Variants in HDAC9 observed in about 807,000 individuals in gnomAD.
The protein encoded by HDAC9 is histone deacetylase 9, also known as MEF-2 interacting transcription repressor (MITR) protein.
Under a neutral mutation model 139.4 loss-of-function variants are expected in HDAC9, and 41 were observed. The ratio of observed to expected loss-of-function variants is 0.29; its 90% CI spans 0.23 to 0.38. The LOEUF (loss-of-function observed/expected upper bound fraction) is 0.38, where lower values mean the gene tolerates loss of function less well. Among genes scored for constraint, HDAC9 ranks in the 10% least tolerant of loss-of-function variants. HDAC9 has a pLI of 1.00. For missense variants in HDAC9, 1,147 were observed against 1,297.0 expected, an observed-to-expected ratio of 0.88 and a Z score of 1.78; for synonymous variants, 517 against 476.2, an observed-to-expected ratio of 1.09 and a Z score of -1.12.
chr7:18,166,297 CTT>C, intron 2 of HDAC9, among the ~76,000 whole-genome samples: 1 of 152,286 alleles, frequency 6.6e-6, no homozygotes, highest in East Asian at 1.9e-4. Flanking sequence ...GCTCATCTCT[CTT>C]TTCACCATTG....
chr7:18,926,522 A>G (rs1804242965), intron 22 of HDAC9, among the ~76,000 whole-genome samples: 1 of 152,240 alleles, frequency 6.6e-6, no homozygotes, highest in South Asian at 2.1e-4. Flanking sequence ...AATAGAGTTT[A>G]TAATAACTCA....
chr7:18,250,979 C>A (rs556330436), intron 2 of HDAC9, among the ~76,000 whole-genome samples: 39 of 151,962 alleles, frequency 2.6e-4, no homozygotes, highest in Non-Finnish European at 4.6e-4. Flanking sequence ...GTAGAAATAC[C>A]ATTTGATTCA....
At chr7:18,287,321 G>T (rs772870829), upstream of HDAC9, among the ~76,000 whole-genome samples, 1 of 151,906 alleles carries the variant, frequency 6.6e-6, no homozygotes, top group Admixed American at 6.6e-5. Context: ...TTAACATGTT[G>T]GCAGATACTC....
At chr7:18,568,028 A>ATATG (rs1554505054) in intron 2 of HDAC9, among the ~76,000 whole-genome samples, 1 of 11,654 alleles carries the variant, frequency 8.6e-5, no homozygotes, top group Non-Finnish European at 2.6e-4. Context: ...ATGTATATGT[A>ATATG]TATATATATA....
rs369811382 is a variant in HDAC9 at position 18,776,101 on chromosome 7, T to G, written c.2214+8946T>G. On this transcript the variant is annotated intron_variant, in intron 16 of 25. Coordinates refer to ENST00000686413, the MANE Select transcript of HDAC9 (RefSeq NM_178425.4). Reference sequence around the variant, plus strand: ...ATACAGGTACACACCACCACACATATTTGGCTTTCTTTCTTTTATTTTGTA... The same window carrying G: ...ATACAGGTACACACCACCACACATAGTTGGCTTTCTTTCTTTTATTTTGTA... Among the ~76,000 whole-genome samples the G allele has an allele frequency of 1.7e-4, 26 of 152,042 alleles. 1 individual carries two copies. Among genetic ancestry groups the G allele is most frequent in the African/African-American group, 5.8e-4 (24 of 41,516 alleles).
chr7:18,093,598 C>T (rs1468878842), intron 1 of HDAC9, among the ~76,000 whole-genome samples: 2 of 152,160 alleles, frequency 1.3e-5, no homozygotes, highest in Non-Finnish European at 2.9e-5. Flanking sequence ...TTCTACTTAT[C>T]ATTTTGGTTA....
chr7:18,233,632 A>C (rs1341486880), intron 2 of HDAC9, among the ~76,000 whole-genome samples: 1 of 152,162 alleles, frequency 6.6e-6, no homozygotes, highest in East Asian at 1.9e-4. Flanking sequence ...TTTGTGACTA[A>C]AGTAAAATTG....
chr7:18,840,776 A>G (rs1276265787), intron 21 of HDAC9, among the ~76,000 whole-genome samples: 1 of 152,132 alleles, frequency 6.6e-6, no homozygotes, highest in African/African-American at 2.4e-5. Context: ...ATTAAAGTCC[A>G]TTAATGCAAA....
chr7:18,669,377 G>T (rs1795527542), intron 12 of HDAC9, among the ~76,000 whole-genome samples: 1 of 151,716 alleles, frequency 6.6e-6, no homozygotes, highest in Admixed American at 6.6e-5. Context: ...GTAATTAAAT[G>T]ATCTCCCCTT....
At chr7:18,272,969 T>TTCTTCCTCC (rs1368472458) in intron 2 of HDAC9, among the ~76,000 whole-genome samples, 2 of 145,148 alleles carry the variant, frequency 1.4e-5, no homozygotes, top group Non-Finnish European at 3.0e-5. Flanking sequence ...CTACTACTAT[T>TTCTTCCTCC]TCTTCCTCCT....
At chr7:18,685,797 A>T (rs1022427559) in intron 12 of HDAC9, among the ~76,000 whole-genome samples, 1 of 152,006 alleles carries the variant, frequency 6.6e-6, no homozygotes, top group African/African-American at 2.4e-5. Flanking sequence ...TAACTAAATT[A>T]GTCATAAAAT....
At position 18,117,652 on chromosome 7, in the gene HDAC9, G is replaced by T. The variant is rs186572339; in HGVS notation, c.-97+30439G>T. 2.3e-4 allele frequency among the ~76,000 whole-genome samples: 35 copies of T among 152,252 alleles called. No individual in the cohort carries two copies. In the East Asian group the frequency reaches 5.6e-3, roughly 24 times the overall value. On this transcript the variant is annotated intron_variant, in intron 1 of 12. Transcript: ENST00000417496. ...CACTGAAGAATGCTAAGGATTGCCT[G>T]CCACCAGCAGAAGCTAGGAAGAGGC...
At chr7:18,863,628 G>A (rs1363989965) in intron 21 of HDAC9, among the ~76,000 whole-genome samples, 1 of 151,988 alleles carries the variant, frequency 6.6e-6, no homozygotes, top group African/African-American at 2.4e-5. Context: ...CTTCCCTAGA[G>A]AACTTGAATT....
intron 1 of HDAC9, among the ~76,000 whole-genome samples, chr7:18,395,350 A>G (rs1228836501): frequency 6.6e-6 from 1 of 152,184 alleles, no homozygotes; most frequent in Non-Finnish European, 1.5e-5. Context: ...TGAAAATGCA[A>G]CATAAAAATT....
chr7:18,868,014 C>T (rs1798622530), intron 21 of HDAC9, among the ~76,000 whole-genome samples: 1 of 152,108 alleles, frequency 6.6e-6, no homozygotes, highest in Non-Finnish European at 1.5e-5. Context: ...TGTTTCAAGG[C>T]TAAAATATTT....
chr7:18,392,756 A>G (rs79057850), intron 1 of HDAC9, among the ~76,000 whole-genome samples: 2 of 152,024 alleles, frequency 1.3e-5, no homozygotes, highest in Non-Finnish European at 2.9e-5. Flanking sequence ...CATTCTTCAC[A>G]TGGGAGGGGT....
At chr7:18,653,658 G>A (rs1303543640) in intron 11 of HDAC9, among the ~76,000 whole-genome samples, 2 of 152,086 alleles carry the variant, frequency 1.3e-5, no homozygotes, top group Admixed American at 6.6e-5. Context: ...TAAATGTGAG[G>A]TCAAGCAGAT....
At chr7:18,275,529 C>T (rs146947263) in intron 2 of HDAC9, among the ~76,000 whole-genome samples, 15 of 152,334 alleles carry the variant, frequency 9.8e-5, no homozygotes, top group African/African-American at 3.4e-4. Context: ...CTCAAAGGCG[C>T]TGTGTGGTAT....
At chr7:18,395,164 G>C (rs1376774099) in intron 1 of HDAC9, 2 of 152,074 alleles carry the variant, frequency 1.3e-5, no homozygotes, top group African/African-American at 4.8e-5. Flanking sequence ...TGAGAAACTG[G>C]AGGGAGGATG....
Sources: gnomAD v4.1 joint callset for allele counts (sites outside exome capture counted in the v4.1 genomes callset) on GRCh38, gnomAD v4.1.1 for gene constraint, MANE v1.5 for transcripts, NCBI Gene and HGNC (gene_info 2026-07-23, HGNC 2026-07-21) for gene names.